The following CLEC2A variants were observed in gnomAD, a reference collection of about 807,000 sequenced individuals.
The protein encoded by CLEC2A is C-type lectin domain family 2 member A.
CLEC2A carries 19 observed loss-of-function variants against 18.6 expected under a neutral mutation model. The ratio of observed to expected loss-of-function variants is 1.02; its 90% CI spans 0.71 to 1.50. CLEC2A has a LOEUF of 1.50. CLEC2A is among the 40% of genes most tolerant of loss of function. The pLI is 0.00. For synonymous variants in CLEC2A, 74 were observed against 64.0 expected (o/e 1.16, Z -0.75); for missense variants, 190 against 207.9 (o/e 0.91, Z 0.53).
the CLEC2A span, chr12:9,893,354 C>A: frequency 1.2e-6 from 1 of 818,204 alleles, no homozygotes; most frequent in Non-Finnish European, 1.9e-6. Context: ...AATGCCGGCA[C>A]AGAGACTTAC....
intron 1 of CLEC2A, among the ~76,000 whole-genome samples, chr12:9,927,834 T>G (rs995526493): frequency 4.1e-5 from 6 of 147,170 alleles, no homozygotes; most frequent in African/African-American, 7.5e-5. Flanking sequence ...ATAAAATGTG[T>G]TTTTTTTTTC....
At chr12:9,925,243 A>G (rs928264051) in intron 2 of CLEC2A, among the ~76,000 whole-genome samples, 1 of 152,268 alleles carries the variant, frequency 6.6e-6, no homozygotes, top group Admixed American at 6.5e-5. Context: ...AGGCCCGCAG[A>G]AAAACCCTGA....
intron 4 of CLEC2A, chr12:9,899,032 A>G: frequency 2.9e-6 from 2 of 694,090 alleles, no homozygotes; most frequent in South Asian, 3.0e-5. Context: ...AAAACGAAAC[A>G]AAACAAGGGG....
intron 3 of CLEC2A, among the ~76,000 whole-genome samples, chr12:9,918,747 G>T (rs1318461106): frequency 6.6e-6 from 1 of 152,196 alleles, no homozygotes; most frequent in East Asian, 1.9e-4. Context: ...TGGTGCAGTT[G>T]TTTGGAAAAC....
At chr12:9,915,175 T>C (rs761854618) in intron 4 of CLEC2A, among the ~76,000 whole-genome samples, 1 of 151,948 alleles carries the variant, frequency 6.6e-6, no homozygotes, top group East Asian at 1.9e-4. Context: ...CCAATCAGAA[T>C]GGCAATTATT....
chr12:9,894,457 C>T (rs1591780315), downstream of CLEC2A, among the ~76,000 whole-genome samples: 1 of 152,118 alleles, frequency 6.6e-6, no homozygotes, highest in Non-Finnish European at 1.5e-5. Context: ...GCTGAGATTA[C>T]AGGTGTGAGC....
downstream of CLEC2A, among the ~76,000 whole-genome samples, chr12:9,909,670 G>C (rs999264324): frequency 6.6e-6 from 1 of 152,220 alleles, no homozygotes; most frequent in Non-Finnish European, 1.5e-5. Flanking sequence ...AGGGATAGGG[G>C]ATAAAGGGAA....
At chr12:9,906,022 TTTG>T (rs1381674378) in intron 4 of CLEC2A, among the ~76,000 whole-genome samples, 1 of 77,456 alleles carries the variant, frequency 1.3e-5, no homozygotes, top group Non-Finnish European at 2.7e-5. Flanking sequence ...ACTTATTAGT[TTTG>T]TTTTTTTTTT....
chr12:9,893,211 G>A, the CLEC2A span: 2 of 1,505,740 alleles, frequency 1.3e-6, no homozygotes, highest in African/African-American at 2.8e-5. Flanking sequence ...AGGAAAAATG[G>A]CTTAGGTGCA....
At chr12:9,910,851 T>C (rs1862974362), downstream of CLEC2A, among the ~76,000 whole-genome samples, 1 of 152,122 alleles carries the variant, frequency 6.6e-6, no homozygotes, top group South Asian at 2.1e-4. Context: ...CATCTCCTCA[T>C]GGGAGATGAT....
intron 2 of CLEC2A, among the ~76,000 whole-genome samples, chr12:9,923,259 G>T (rs1482787172): frequency 6.6e-6 from 1 of 152,172 alleles, no homozygotes; most frequent in Non-Finnish European, 1.5e-5. Flanking sequence ...CCATCAAAAA[G>T]TGGGTGAAGG....
chr12:9,927,516 A>G (rs1254792642), intron 1 of CLEC2A, among the ~76,000 whole-genome samples: 1 of 152,212 alleles, frequency 6.6e-6, no homozygotes, highest in African/African-American at 2.4e-5. Context: ...ATATGTATGT[A>G]TATATACATG....
intron 1 of CLEC2A, among the ~76,000 whole-genome samples, chr12:9,928,314 A>T (rs1863312722): frequency 6.6e-6 from 1 of 152,084 alleles, no homozygotes; most frequent in Non-Finnish European, 1.5e-5. Context: ...AAAAACACAA[A>T]AAATTAGCTG....
chr12:9,888,844 T>G, the CLEC2A span: 6 of 963,748 alleles, frequency 6.2e-6, no homozygotes, highest in African/African-American at 9.6e-5. Flanking sequence ...GCTTCCCTCT[T>G]CCTGGCGTTC....
downstream of CLEC2A, among the ~76,000 whole-genome samples, chr12:9,912,901 G>T (rs559305291): frequency 6.6e-5 from 10 of 152,046 alleles, no homozygotes; most frequent in Non-Finnish European, 1.5e-4. Context: ...TTTTTCTCTA[G>T]TTTTTCTTAC....
At chr12:9,902,526 C>CCCA (rs904136678) in intron 4 of CLEC2A, among the ~76,000 whole-genome samples, 1 of 152,038 alleles carries the variant, frequency 6.6e-6, no homozygotes, top group African/African-American at 2.4e-5. Flanking sequence ...AGCCACTGCG[C>CCCA]CCAGCTGGTT....
chr12:9,897,752 A>G (rs1463112854), downstream of CLEC2A, among the ~76,000 whole-genome samples: 1 of 152,112 alleles, frequency 6.6e-6, no homozygotes, highest in East Asian at 1.9e-4. Flanking sequence ...TGACCAGACA[A>G]GGCCTTGGGT....
the CLEC2A span, among the ~76,000 whole-genome samples, chr12:9,886,304 A>G: frequency 6.6e-6 from 1 of 152,156 alleles, no homozygotes; most frequent in African/African-American, 2.4e-5. Context: ...GACCATAAAT[A>G]TTTATATCTC....
At chr12:9,890,031 C>T in the CLEC2A span, among the ~76,000 whole-genome samples, 1 of 151,906 alleles carries the variant, frequency 6.6e-6, no homozygotes, top group African/African-American at 2.4e-5. Context: ...TAAAACAGCA[C>T]CAATAATTAT....
Sources: allele counts gnomAD v4.1 joint callset (sites outside exome capture counted in the v4.1 genomes callset), GRCh38; gene constraint gnomAD v4.1.1; transcripts MANE v1.5; gene names NCBI Gene and HGNC (gene_info 2026-07-23, HGNC 2026-07-21).